ATP1B3: variants seen among roughly 807,000 people sequenced by gnomAD.
ATP1B3 encodes ATPase Na+/K+ transporting subunit beta 3, also known as sodium/potassium-transporting ATPase subunit beta-3.
Under a neutral mutation model 30.2 loss-of-function variants are expected in ATP1B3, and 10 were observed. The observed-to-expected ratio is 0.33, with a 90% confidence interval of 0.20 to 0.56. The LOEUF (loss-of-function observed/expected upper bound fraction) is 0.56, where lower values mean the gene tolerates loss of function less well. Ranked by LOEUF, ATP1B3 falls within the 20% of genes least tolerant of loss-of-function variation. The probability of loss-of-function intolerance (pLI) is 0.90; values close to 1 mark genes in which losing one functional copy is unlikely to be tolerated. For missense variants in ATP1B3, 238 were observed against 336.7 expected (o/e 0.71, Z 2.29); for synonymous variants, 113 against 117.0 (o/e 0.97, Z 0.22).
In ATP1B3 at chr3:141,921,127, TC is replaced by T. The variant is rs1382865427; in HGVS notation, c.583-848del. Reference sequence around the variant, plus strand: ...AATAATGTTTTATTTTAACTAGTGTTCCGTAAGCCCAGCACTGATTTTAATC... The same window carrying T: ...AATAATGTTTTATTTTAACTAGTGTTCGTAAGCCCAGCACTGATTTTAATC... On this transcript the variant is annotated intron_variant, in intron 5 of 6. Transcript: ENST00000286371. Among the ~76,000 whole-genome samples, 7 of 152,148 alleles carry T rather than the reference TC, an allele frequency of 4.6e-5. 1 individual carries two copies. The East Asian group carries it at 1.2e-3, about 25-fold the overall frequency.
rs1934528279 is a variant in ATP1B3, at chr3:141,919,508, T to G, written c.583-2469T>G. ...TCATTTTTTTCTCAGTGTTTTATTTTCTTATGAAAATGAATCATACTAAGA... is the reference window on the plus strand; with the variant it reads ...TCATTTTTTTCTCAGTGTTTTATTTGCTTATGAAAATGAATCATACTAAGA... On this transcript the variant is annotated intron_variant, in intron 5 of 6. Transcript: ENST00000286371. Among the ~76,000 whole-genome samples the G allele has an allele frequency of 2.0e-5, 3 of 152,234 alleles. No homozygotes were observed. The South Asian group carries it at 6.2e-4, about 31-fold the overall frequency.
At chr3:141,922,130 C>T in intron 6 of ATP1B3, 67 bp downstream of exon 6, 1 of 965,960 alleles carries the variant, frequency 1.0e-6, no homozygotes, top group Non-Finnish European at 1.6e-6. Flanking sequence ...GTTGACGTAC[C>T]ACTTGTCTGG....
intron 1 of ATP1B3, among the ~76,000 whole-genome samples, chr3:141,899,097 T>TG (rs1331967631): frequency 6.6e-6 from 1 of 152,062 alleles, no homozygotes; most frequent in East Asian, 1.9e-4. Flanking sequence ...GGAATGGGAA[T>TG]GGGTATGGAG....
intron 2 of ATP1B3, among the ~76,000 whole-genome samples, chr3:141,904,069 G>C (rs146423126): frequency 1.3e-5 from 2 of 152,230 alleles, no homozygotes; most frequent in Non-Finnish European, 2.9e-5. Flanking sequence ...ACAGGCGTGA[G>C]CCACTGTGCC....
chr3:141,888,745 TAGTG>T (rs1022129949), intron 1 of ATP1B3, among the ~76,000 whole-genome samples: 188 of 152,246 alleles, frequency 1.2e-3, no homozygotes, highest in African/African-American at 4.1e-3. Context: ...CTTCTTGAGA[TAGTG>T]AGTAAGTCTC....
chr3:141,882,495 C>T (rs939414002), intron 1 of ATP1B3, among the ~76,000 whole-genome samples: 11 of 152,184 alleles, frequency 7.2e-5, no homozygotes, highest in African/African-American at 2.7e-4. Flanking sequence ...GGTGACCATA[C>T]ATACTTCCTG....
intron 1 of ATP1B3, among the ~76,000 whole-genome samples, chr3:141,887,587 C>T (rs1441050490): frequency 6.6e-6 from 1 of 152,172 alleles, no homozygotes; most frequent in African/African-American, 2.4e-5. Context: ...TGAAAACATA[C>T]GTTCACAAAA....
intron 4 of ATP1B3, among the ~76,000 whole-genome samples, chr3:141,914,312 A>G (rs976029674): frequency 9.9e-5 from 15 of 152,234 alleles, no homozygotes; most frequent in African/African-American, 3.6e-4. Flanking sequence ...ATGTAATTAG[A>G]TAACAGAAAT....
Position 141,876,887 on chromosome 3 carries a change from TG to T in ATP1B3, c.90del (p.Arg31AlafsTer8). The T allele has an allele frequency of 6.3e-7, 1 of 1,579,618 alleles. No individual in the cohort carries two copies. The highest frequency in any genetic ancestry group is 2.5e-5 in the East Asian group (1 of 40,552). On this transcript the variant is annotated frameshift_variant, in exon 1 of 7. Coordinates refer to ENST00000286371, the MANE Select transcript of ATP1B3 (RefSeq NM_001679.4). LOFTEE classifies it high-confidence loss of function. The stretch of plus-strand genomic sequence containing the variant: ...TACAACCCGACCACCGGAGAATTCC[TG>T]GGGCGCACCGCCAAGAGCTGGGGTG... Reference protein sequence around the residue: ...FIYNPTTGEFLGRTAKSWGLI... With the variant: ...FIYNPTTGEFXGRTAKSWGLI...
At chr3:141,916,459 T>C in intron 5 of ATP1B3, 1 of 803,886 alleles carries the variant, frequency 1.2e-6, no homozygotes, top group South Asian at 1.4e-5. Context: ...ATTATTTATC[T>C]CCCCTATCCC....
intron 2 of ATP1B3, among the ~76,000 whole-genome samples, chr3:141,905,202 AG>A (rs967015982): frequency 1.3e-5 from 2 of 152,198 alleles, no homozygotes; most frequent in South Asian, 2.1e-4. Context: ...TCAGTCCTAG[AG>A]GAGTGGGATT....
chr3:141,880,274 A>G (rs573153801), intron 1 of ATP1B3, among the ~76,000 whole-genome samples: 1 of 152,350 alleles, frequency 6.6e-6, no homozygotes, highest in African/African-American at 2.4e-5. Flanking sequence ...GTATTTGGCT[A>G]ATATCTTACA....
chr3:141,906,242 C>T (rs543733004), intron 2 of ATP1B3, among the ~76,000 whole-genome samples: 3 of 151,734 alleles, frequency 2.0e-5, no homozygotes, highest in East Asian at 1.9e-4. Context: ...TGCAATGGCA[C>T]GATCTCGGCT....
At chr3:141,923,872 G>A (rs758586334) in intron 6 of ATP1B3, among the ~76,000 whole-genome samples, 3 of 152,188 alleles carry the variant, frequency 2.0e-5, no homozygotes, top group Non-Finnish European at 2.9e-5. Flanking sequence ...GTGCATTTTG[G>A]CATGAGTGCC....
intron 1 of ATP1B3, 113 bp downstream of exon 1, chr3:141,877,023 C>A (rs1473919911): frequency 2.6e-6 from 2 of 757,248 alleles, no homozygotes; most frequent in South Asian, 2.5e-5. Context: ...GGCTCCCGAC[C>A]GCCCGACCCT....
chr3:141,910,784 T>TC (rs1491198789), intron 3 of ATP1B3, among the ~76,000 whole-genome samples: 1 of 102,046 alleles, frequency 9.8e-6, no homozygotes, highest in African/African-American at 4.1e-5. Context: ...TGCCCCCCCC[T>TC]TTTTTTTAAT....
intron 1 of ATP1B3, among the ~76,000 whole-genome samples, chr3:141,881,350 C>T (rs1315372634): frequency 6.6e-6 from 1 of 152,124 alleles, no homozygotes; most frequent in Non-Finnish European, 1.5e-5. Flanking sequence ...ACTTAAAACT[C>T]AAGTCAGTGA....
chr3:141,876,789 CCG>C lies in ATP1B3; in HGVS notation c.-7_-6del, dbSNP rs1933601130. 1 of 1,587,404 alleles carries C rather than the reference CCG, an allele frequency of 6.3e-7. No homozygotes were observed. The highest frequency in any genetic ancestry group is 2.4e-5 in the East Asian group (1 of 42,092). On this transcript the variant is annotated 5_prime_UTR_variant, in exon 1 of 7. Transcript: ENST00000286371. The stretch of plus-strand genomic sequence containing the variant: ...CCGCGGCCGCAGCTCCTCTCGCCGT[CCG>C]CGCGCACACCATGACGAAGAACGAG...
rs76450048 is a variant in ATP1B3 at position 141,878,812 on chromosome 3, C to T, written c.109+1902C>T. On this transcript the variant is annotated intron_variant, in intron 1 of 6. Transcript: ENST00000286371. ...ATAATAGTAAGTCAGTGAAGAATGG[C>T]ATATATAGGTGAAAATTAACCATAA... Among the ~76,000 whole-genome samples the T allele has an allele frequency of 5.8e-3, 878 of 152,260 alleles. 5 individuals carry two copies. Among genetic ancestry groups the T allele is most frequent in the African/African-American group, 0.02 (833 of 41,536 alleles).
Sources: gnomAD v4.1 joint callset for allele counts (sites outside exome capture counted in the v4.1 genomes callset) on GRCh38, gnomAD v4.1.1 for gene constraint, MANE v1.5 for transcripts, NCBI Gene and HGNC (gene_info 2026-07-23, HGNC 2026-07-21) for gene names.